The following COBL variants were observed in gnomAD, a reference collection of about 807,000 sequenced individuals.
COBL encodes cordon-bleu WH2 repeat protein, also known as protein cordon-bleu.
A neutral mutation model predicts 98.8 loss-of-function variants in COBL; 51 were observed. That is an observed-to-expected ratio of 0.52 (90% CI 0.41 to 0.65). The LOEUF is 0.65. Among genes scored for constraint, COBL ranks in the 30% least tolerant of loss-of-function variants. COBL has a pLI of 0.00. For synonymous variants in COBL, 634 were observed against 651.7 expected (o/e 0.97, Z 0.41); for missense variants, 1,617 against 1,617.5 (o/e 1.00, Z 0.01).
chr7:51,283,362 T>C (rs1313612251), intron 1 of COBL, among the ~76,000 whole-genome samples: 1 of 152,214 alleles, frequency 6.6e-6, no homozygotes, highest in Non-Finnish European at 1.5e-5. Context: ...TCTACACACA[T>C]AAATTCAGCA....
chr7:51,249,134 A>T (rs1796515644), intron 1 of COBL, among the ~76,000 whole-genome samples: 1 of 152,106 alleles, frequency 6.6e-6, no homozygotes, highest in Admixed American at 6.6e-5. Context: ...GTCTCTCAGA[A>T]CTCCTGTGTA....
intron 3 of COBL, among the ~76,000 whole-genome samples, chr7:51,191,935 G>A (rs1373457778): frequency 6.6e-6 from 1 of 152,174 alleles, no homozygotes; most frequent in Non-Finnish European, 1.5e-5. Flanking sequence ...CCCAGTGGCT[G>A]GGATAACAAT....
intron 5 of COBL, among the ~76,000 whole-genome samples, chr7:51,149,043 T>C (rs1265960865): frequency 6.6e-6 from 1 of 152,176 alleles, no homozygotes; most frequent in Admixed American, 6.5e-5. Context: ...TGAGACATCC[T>C]CTATGTCAAG....
chr7:51,051,249 C>G (rs1258503240), intron 7 of COBL, among the ~76,000 whole-genome samples: 1 of 152,174 alleles, frequency 6.6e-6, no homozygotes, highest in East Asian at 1.9e-4. Flanking sequence ...GGCATATGTT[C>G]ACATGATTTG....
At chr7:51,189,842 G>T (rs1391690357) in intron 4 of COBL, among the ~76,000 whole-genome samples, 1 of 152,134 alleles carries the variant, frequency 6.6e-6, no homozygotes, top group African/African-American at 2.4e-5. Context: ...TCATTCTAAG[G>T]TCAAGGAATA....
intron 1 of COBL, among the ~76,000 whole-genome samples, chr7:51,240,709 G>GCTAA (rs113631308): frequency 0.69 from 104,979 of 151,274 alleles, 37,313 homozygotes; most frequent in East Asian, 0.85. Flanking sequence ...ACCACTCCTG[G>GCTAA]CTTTTTGTAT....
At chr7:51,200,123 A>G (rs890210618) in intron 2 of COBL, among the ~76,000 whole-genome samples, 1 of 152,214 alleles carries the variant, frequency 6.6e-6, no homozygotes, top group African/African-American at 2.4e-5. Context: ...GATACAGCAA[A>G]GTACTGAAAG....
intron 1 of COBL, among the ~76,000 whole-genome samples, chr7:51,285,865 T>C (rs1260020118): frequency 6.6e-6 from 1 of 152,230 alleles, no homozygotes; most frequent in Non-Finnish European, 1.5e-5. Flanking sequence ...GTATTCAAGA[T>C]AGTGTGATAT....
In COBL at chr7:51,132,806, G is replaced by C. The variant is rs150152887; in HGVS notation, c.957+3352C>G. On this transcript the variant is annotated intron_variant, in intron 6 of 12. Transcript: ENST00000265136. ...AAAGGCGGATTAGGCATGTCACATG[G>C]TGAGAGAGGGAGCAAGGACGGAGGG... Among the ~76,000 whole-genome samples the C allele has an allele frequency of 5.8e-3, 890 of 152,210 alleles. 12 individuals carry two copies. The highest frequency in any genetic ancestry group is 0.02 in the African/African-American group (844 of 41,522).
rs762511272 is a variant in COBL at position 51,029,025 on chromosome 7, G to A, written c.2071C>T (p.Arg691Ter). The A allele has an allele frequency of 5.0e-6, 8 of 1,614,016 alleles. No individual in the cohort carries two copies. Among genetic ancestry groups the A allele is most frequent in the African/African-American group, 1.3e-5 (1 of 74,918 alleles). ...AALAPTSWHQ[R>*]GQNPGKSYRL... ...TAGCTTTTCCCTGGGTTTTGGCCTC[G>A]TTGGTGCCATGATGTTGGTGCCAAG... is the stretch of plus-strand genomic sequence containing the variant. Residue 691 changes from arginine (R) to a stop codon, truncating the protein, a stop_gained, in exon 10 of 13, where the codon CGA becomes TGA. Transcript: ENST00000265136. LOFTEE classifies it high-confidence loss of function.
intron 5 of COBL, among the ~76,000 whole-genome samples, chr7:51,137,309 C>T (rs888991319): frequency 1.3e-5 from 2 of 152,148 alleles, no homozygotes; most frequent in African/African-American, 4.8e-5. Context: ...AGATACAAAC[C>T]TTGGGCAAAT....
intron 1 of COBL, among the ~76,000 whole-genome samples, chr7:51,247,786 A>C (rs1443853535): frequency 6.6e-6 from 1 of 152,200 alleles, no homozygotes; most frequent in Non-Finnish European, 1.5e-5. Flanking sequence ...TACTGCTGAA[A>C]GAAGACGCCA....
intron 6 of COBL, among the ~76,000 whole-genome samples, chr7:51,094,529 A>T (rs1011458255): frequency 3.8e-4 from 58 of 152,254 alleles, no homozygotes; most frequent in African/African-American, 8.9e-4. Context: ...ATAAATTTTT[A>T]AAATAAAGGA....
intron 1 of COBL, among the ~76,000 whole-genome samples, chr7:51,253,732 G>A (rs1445038945): frequency 6.6e-6 from 1 of 151,992 alleles, no homozygotes; most frequent in Admixed American, 6.6e-5. Flanking sequence ...AACTATAATT[G>A]TACCAGATAA....
At chr7:51,156,192 G>GCA (rs146159564) in intron 5 of COBL, 196,437 of 934,150 alleles carry the variant, frequency 0.21, 15,358 homozygotes, top group Non-Finnish European at 0.22. Context: ...AAAATACTCT[G>GCA]CACACACACA....
intron 5 of COBL, among the ~76,000 whole-genome samples, chr7:51,165,363 G>C (rs1468037692): frequency 6.6e-6 from 1 of 151,990 alleles, no homozygotes; most frequent in Admixed American, 6.5e-5. Flanking sequence ...TGTAAGAAGA[G>C]ATTAAGAAAG....
At chr7:51,311,105 C>A (rs1238913413) in intron 1 of COBL, among the ~76,000 whole-genome samples, 1 of 152,186 alleles carries the variant, frequency 6.6e-6, no homozygotes, top group East Asian at 1.9e-4. Flanking sequence ...GTCTGGGAAT[C>A]TGTCTAACCA....
At chr7:51,142,127 C>A (rs1254060124) in intron 5 of COBL, among the ~76,000 whole-genome samples, 1 of 152,070 alleles carries the variant, frequency 6.6e-6, no homozygotes, top group African/African-American at 2.4e-5. Flanking sequence ...ATGGGCAGGA[C>A]AATGGAACTT....
intron 7 of COBL, among the ~76,000 whole-genome samples, chr7:51,062,452 C>T (rs1004727614): frequency 1.7e-4 from 26 of 152,104 alleles, no homozygotes; most frequent in Non-Finnish European, 2.8e-4. Context: ...CATGGTGTCC[C>T]GGCGCTCGGC....
Sources: gnomAD v4.1 joint callset for allele counts (sites outside exome capture counted in the v4.1 genomes callset) on GRCh38, gnomAD v4.1.1 for gene constraint, MANE v1.5 for transcripts, NCBI Gene and HGNC (gene_info 2026-07-23, HGNC 2026-07-21) for gene names.